OPCML: variants seen among roughly 807,000 people sequenced by gnomAD.
OPCML encodes the protein opioid-binding protein/cell adhesion molecule.
In OPCML, 13 loss-of-function variants were observed where a neutral mutation model predicts 37.8. The observed-to-expected ratio is 0.34, with a 90% CI of 0.22 to 0.55. The LOEUF (loss-of-function observed/expected upper bound fraction) is 0.55. OPCML is among the 20% of genes least tolerant of loss of function. OPCML has a pLI of 0.91. For missense variants in OPCML, 341 were observed against 435.6 expected, an observed-to-expected ratio of 0.78 and a Z score of 1.93; for synonymous variants, 176 against 168.8, an observed-to-expected ratio of 1.04 and a Z score of -0.33.
intron 1 of OPCML, among the ~76,000 whole-genome samples, chr11:133,458,215 T>TATATACACGTGTGTGTATATATAC (rs1946725280): frequency 7.6e-6 from 1 of 131,264 alleles, no homozygotes; most frequent in Non-Finnish European, 1.6e-5. Context: ...TGTGTATATA[T>TATATACACGTGTGTGTATATATAC]ACACATATAT....
At chr11:132,683,332 G>A (rs905459603) in intron 2 of OPCML, among the ~76,000 whole-genome samples, 9 of 152,196 alleles carry the variant, frequency 5.9e-5, no homozygotes, top group East Asian at 3.9e-4. Context: ...CCATGGTTGC[G>A]CCACTGCACT....
chr11:133,117,702 CAAAAT>C (rs1393698472), intron 1 of OPCML: 6 of 817,730 alleles, frequency 7.3e-6, no homozygotes, highest in Non-Finnish European at 8.9e-6. Context: ...TAATCACTCT[CAAAAT>C]AAAAAAAGTA....
rs115302040 is a variant in OPCML at position 133,225,847 on chromosome 11, A to T, written c.62-282837T>A. On this transcript the variant is annotated intron_variant, in intron 1 of 7. Transcript: ENST00000524381. ...AAAGGATGGATTAATGAAAAGCAAG[A>T]TGGAAACAACACGTAGTAACTATAG... Among the ~76,000 whole-genome samples the T allele has an allele frequency of 6.1e-3, 932 of 152,344 alleles. 5 individuals are homozygous for T. The highest frequency in any genetic ancestry group is 0.021 in the African/African-American group (877 of 41,578).
At chr11:133,147,942 C>T (rs895550697) in intron 1 of OPCML, among the ~76,000 whole-genome samples, 2 of 152,164 alleles carry the variant, frequency 1.3e-5, no homozygotes, top group Non-Finnish European at 2.9e-5. Flanking sequence ...TCAGCGAACG[C>T]TTTCTTCCTC....
chr11:133,366,213 T>G (rs2136736028), intron 1 of OPCML: 1 of 152,264 alleles, frequency 6.6e-6, no homozygotes, highest in East Asian at 1.9e-4. Context: ...CAGGGAAAAG[T>G]GTAAATCAGG....
At chr11:133,141,839 C>T (rs556233415) in intron 1 of OPCML, among the ~76,000 whole-genome samples, 2 of 152,204 alleles carry the variant, frequency 1.3e-5, no homozygotes, top group African/African-American at 4.8e-5. Context: ...CCTTCACTAT[C>T]CCCTAATTTC....
intron 2 of OPCML, among the ~76,000 whole-genome samples, chr11:132,913,687 A>G (rs1944503519): frequency 6.6e-6 from 1 of 152,198 alleles, no homozygotes; most frequent in African/African-American, 2.4e-5. Context: ...GAAAGCTCTC[A>G]GCTTCTAGGG....
At chr11:132,784,763 C>T (rs773746885) in intron 2 of OPCML, among the ~76,000 whole-genome samples, 56 of 152,256 alleles carry the variant, frequency 3.7e-4, no homozygotes, top group South Asian at 4.2e-4. Context: ...AAGAGCCTGG[C>T]ACCTCCTGCC....
intron 2 of OPCML, among the ~76,000 whole-genome samples, chr11:132,661,030 G>T (rs902573337): frequency 2.0e-5 from 3 of 152,140 alleles, no homozygotes; most frequent in Non-Finnish European, 4.4e-5. Context: ...ACCAGTGCAA[G>T]TGGCCACAGG....
chr11:133,339,140 A>ATG (rs1943807299), intron 1 of OPCML, among the ~76,000 whole-genome samples: 1 of 152,204 alleles, frequency 6.6e-6, no homozygotes, highest in Non-Finnish European at 1.5e-5. Context: ...TTTATCTGTG[A>ATG]TGTGCTTCCA....
intron 1 of OPCML, among the ~76,000 whole-genome samples, chr11:133,470,630 C>T (rs1342917787): frequency 6.6e-6 from 1 of 152,190 alleles, no homozygotes; most frequent in Non-Finnish European, 1.5e-5. Flanking sequence ...GTGATTCTGC[C>T]AGTCATCCTG....
intron 1 of OPCML, among the ~76,000 whole-genome samples, chr11:133,213,732 A>T (rs1246485072): frequency 6.6e-6 from 1 of 152,146 alleles, no homozygotes; most frequent in Non-Finnish European, 1.5e-5. Context: ...TGTCTTGCTT[A>T]TTTCTGGTAT....
At chr11:133,381,442 A>G (rs1167256330) in intron 1 of OPCML, among the ~76,000 whole-genome samples, 1 of 152,248 alleles carries the variant, frequency 6.6e-6, no homozygotes, top group Admixed American at 6.5e-5. Flanking sequence ...TGTTTGGGAT[A>G]TGATAGAACT....
At chr11:132,985,908 A>G (rs758056212) in intron 1 of OPCML, among the ~76,000 whole-genome samples, 2 of 151,916 alleles carry the variant, frequency 1.3e-5, no homozygotes, top group Non-Finnish European at 2.9e-5. Context: ...CTGGCTTTTC[A>G]TTTCTACCTT....
At chr11:133,234,264 A>C (rs1285665358) in intron 1 of OPCML, among the ~76,000 whole-genome samples, 2 of 146,168 alleles carry the variant, frequency 1.4e-5, no homozygotes, top group African/African-American at 2.6e-5. Context: ...CAACAACAAC[A>C]AAAAAAAAAC....
intron 1 of OPCML, among the ~76,000 whole-genome samples, chr11:133,076,122 C>CT (rs1432811842): frequency 1.3e-5 from 2 of 151,886 alleles, no homozygotes; most frequent in Non-Finnish European, 2.9e-5. Context: ...AATCTGTACA[C>CT]TTTTTTGTTT....
chr11:133,422,042 C>T (rs1018328291), intron 1 of OPCML: 26 of 611,850 alleles, frequency 4.2e-5, no homozygotes, highest in East Asian at 1.4e-4. Context: ...TAGGTGTATA[C>T]GTGCCATGGT....
At chr11:133,242,022 A>G (rs566828618) in intron 1 of OPCML, among the ~76,000 whole-genome samples, 303 of 152,334 alleles carry the variant, frequency 2.0e-3, no homozygotes, top group Non-Finnish European at 3.2e-3. Context: ...ACTTAGAATC[A>G]ATCATTTATT....
chr11:132,760,684 C>T (rs1190560487), intron 2 of OPCML, among the ~76,000 whole-genome samples: 1 of 150,946 alleles, frequency 6.6e-6, no homozygotes. Flanking sequence ...TATTTTGAGC[C>T]TATGTGTGTC....
Sources: allele counts gnomAD v4.1 joint callset (sites outside exome capture counted in the v4.1 genomes callset), GRCh38; gene constraint gnomAD v4.1.1; transcripts MANE v1.5; gene names NCBI Gene and HGNC (gene_info 2026-07-23, HGNC 2026-07-21).